Variants in GRXCR1 observed in about 807,000 individuals in gnomAD.
GRXCR1 encodes the protein glutaredoxin and cysteine rich domain containing 1.
Under a neutral mutation model 27.3 loss-of-function variants are expected in GRXCR1, and 27 were observed. That is an observed-to-expected ratio of 0.99 (90% CI 0.73 to 1.37). The LOEUF (loss-of-function observed/expected upper bound fraction) is 1.37, where lower values mean the gene tolerates loss of function less well. GRXCR1 is among the 40% of genes most tolerant of loss of function. GRXCR1 has a pLI of 0.00. For synonymous variants in GRXCR1, 122 were observed against 131.1 expected (o/e 0.93, Z 0.47); for missense variants, 379 against 354.4 (o/e 1.07, Z -0.56).
At chr4:42,949,367 A>AC (rs1174444582) in intron 1 of GRXCR1, among the ~76,000 whole-genome samples, 1 of 151,192 alleles carries the variant, frequency 6.6e-6, no homozygotes, top group Non-Finnish European at 1.5e-5. Context: ...AAAAAAAAAA[A>AC]AAAAAAAAAC....
chr4:42,933,146 A>T (rs560557341), intron 1 of GRXCR1, among the ~76,000 whole-genome samples: 2 of 152,090 alleles, frequency 1.3e-5, no homozygotes, highest in East Asian at 3.9e-4. Context: ...GCAAAGAGGA[A>T]ATCAGGACAC....
At chr4:42,919,856 G>T (rs1159205443) in intron 1 of GRXCR1, among the ~76,000 whole-genome samples, 1 of 151,998 alleles carries the variant, frequency 6.6e-6, no homozygotes, top group Non-Finnish European at 1.5e-5. Context: ...TTATATTATT[G>T]ATTTGGAAAT....
In GRXCR1 at chr4:42,962,946, C is replaced by T. The variant is rs569193097; in HGVS notation, c.439C>T (p.Arg147Cys). 3.7e-5 allele frequency: 60 copies of T among 1,612,656 alleles called. No individual in the cohort carries two copies. Among genetic ancestry groups the T allele is most frequent in the Middle Eastern group, 1.7e-4 (1 of 6,052 alleles). Reference sequence around the variant, plus strand: ...TGTAGTGATTTATACCACCTGCCTTCGTGTGGTCCGGACAACCTTTGAAAG... The same window carrying T: ...TGTAGTGATTTATACCACCTGCCTTTGTGTGGTCCGGACAACCTTTGAAAG... ...DRVVIYTTCLRVVRTTFERCE... is the reference protein window; with the variant it reads ...DRVVIYTTCLCVVRTTFERCE... The change falls in exon 2 of 4, where the codon CGT (arginine) becomes TGT (cysteine). Residue 147 changes from arginine (R) to cysteine (C), a missense_variant. Arg to Cys is a radical substitution (Grantham distance 180). Coordinates refer to ENST00000399770, the MANE Select transcript of GRXCR1 (RefSeq NM_001080476.3).
chr4:43,022,592 G>A (rs765915876), intron 3 of GRXCR1, among the ~76,000 whole-genome samples: 11 of 152,112 alleles, frequency 7.2e-5, no homozygotes, highest in Admixed American at 1.3e-4. Flanking sequence ...CACTATGTTC[G>A]GCTGCTTTGG....
chr4:43,028,006 G>A (rs970631407), intron 3 of GRXCR1, among the ~76,000 whole-genome samples: 1 of 152,068 alleles, frequency 6.6e-6, no homozygotes, highest in Non-Finnish European at 1.5e-5. Context: ...CTTCTTGGGA[G>A]GCTGAGGCAG....
chr4:42,929,233 A>G (rs1413557047), intron 1 of GRXCR1, among the ~76,000 whole-genome samples: 1 of 151,990 alleles, frequency 6.6e-6, no homozygotes. Context: ...CTGTCTGTGA[A>G]CAAGAGGCAC....
At chr4:42,895,880 C>T (rs1468080487) in intron 1 of GRXCR1, among the ~76,000 whole-genome samples, 3 of 151,984 alleles carry the variant, frequency 2.0e-5, no homozygotes, top group Admixed American at 6.6e-5. Flanking sequence ...ACTTTTCCCC[C>T]TATATATTTT....
At chr4:42,991,473 CAT>C (rs71648752) in intron 2 of GRXCR1, among the ~76,000 whole-genome samples, 34 of 147,660 alleles carry the variant, frequency 2.3e-4, no homozygotes, top group South Asian at 6.4e-4. Context: ...CACACACATA[CAT>C]ATATATATAT....
At chr4:42,942,865 A>G (rs998820048) in intron 1 of GRXCR1, among the ~76,000 whole-genome samples, 5 of 152,108 alleles carry the variant, frequency 3.3e-5, no homozygotes, top group African/African-American at 1.2e-4. Flanking sequence ...AATAACTCAA[A>G]AGACCTTGAA....
At chr4:42,975,544 A>G (rs986958987) in intron 2 of GRXCR1, among the ~76,000 whole-genome samples, 1 of 152,138 alleles carries the variant, frequency 6.6e-6, no homozygotes, top group Non-Finnish European at 1.5e-5. Flanking sequence ...GAAGCCTTTA[A>G]CAGATGTCTC....
intron 3 of GRXCR1, among the ~76,000 whole-genome samples, chr4:43,027,436 G>C (rs552365657): frequency 6.6e-6 from 1 of 152,278 alleles, no homozygotes; most frequent in Admixed American, 6.5e-5. Flanking sequence ...TAGACTCTTG[G>C]TATTAGTGAA....
intron 2 of GRXCR1, among the ~76,000 whole-genome samples, chr4:43,014,306 TA>T (rs1712863138): frequency 6.6e-6 from 1 of 152,112 alleles, no homozygotes; most frequent in Non-Finnish European, 1.5e-5. Flanking sequence ...ATTTCTGAAA[TA>T]AATTCTTTTT....
At chr4:43,014,290 G>C (rs1346479639) in intron 2 of GRXCR1, among the ~76,000 whole-genome samples, 2 of 152,108 alleles carry the variant, frequency 1.3e-5, no homozygotes, top group Non-Finnish European at 2.9e-5. Context: ...AAAAGATCCA[G>C]AGCTGATTTC....
At chr4:42,966,415 A>G (rs1207573455) in intron 2 of GRXCR1, among the ~76,000 whole-genome samples, 2 of 152,100 alleles carry the variant, frequency 1.3e-5, no homozygotes, top group Non-Finnish European at 2.9e-5. Flanking sequence ...ACTACCTGAT[A>G]TTGAGGTGGG....
chr4:43,005,587 G>A (rs1394932034), intron 2 of GRXCR1, among the ~76,000 whole-genome samples: 1 of 152,168 alleles, frequency 6.6e-6, no homozygotes, highest in Non-Finnish European at 1.5e-5. Flanking sequence ...ATGAGAGACT[G>A]TGGCCAGATT....
chr4:42,986,214 T>C (rs976936830), intron 2 of GRXCR1, among the ~76,000 whole-genome samples: 5 of 152,218 alleles, frequency 3.3e-5, no homozygotes, highest in Admixed American at 3.3e-4. Context: ...TGTTTGGTCC[T>C]GATGGTGCTT....
chr4:42,930,300 A>G (rs1247321795), intron 1 of GRXCR1, among the ~76,000 whole-genome samples: 2 of 151,944 alleles, frequency 1.3e-5, no homozygotes, highest in Non-Finnish European at 2.9e-5. Context: ...ATCATGAGGA[A>G]TTTCTCTAGA....
intron 2 of GRXCR1, among the ~76,000 whole-genome samples, chr4:42,991,107 G>A (rs1484865959): frequency 2.0e-5 from 3 of 151,922 alleles, no homozygotes; most frequent in African/African-American, 7.3e-5. Context: ...ATTCTTCCTC[G>A]TTGTAAATGA....
At chr4:42,897,768 C>A (rs1040110156) in intron 1 of GRXCR1, among the ~76,000 whole-genome samples, 4 of 151,994 alleles carry the variant, frequency 2.6e-5, no homozygotes, top group African/African-American at 7.2e-5. Context: ...CATGAAGTAA[C>A]AATGGCTAAT....
Sources: gnomAD v4.1 joint callset for allele counts (sites outside exome capture counted in the v4.1 genomes callset) on GRCh38, gnomAD v4.1.1 for gene constraint, MANE v1.5 for transcripts, NCBI Gene and HGNC (gene_info 2026-07-23, HGNC 2026-07-21) for gene names.